The following ABCC1 variants were observed in gnomAD, a reference collection of about 807,000 sequenced individuals.
ABCC1 encodes multidrug resistance-associated protein 1.
Under a neutral mutation model 172.9 loss-of-function variants are expected in ABCC1, and 83 were observed. The ratio of observed to expected loss-of-function variants is 0.48; its 90% CI spans 0.40 to 0.58. The LOEUF (loss-of-function observed/expected upper bound fraction) is 0.58. Ranked by LOEUF, ABCC1 falls within the 20% of genes least tolerant of loss-of-function variation. The pLI, the probability that ABCC1 is intolerant of heterozygous loss-of-function variation, is 0.00. For missense variants in ABCC1, 1,817 were observed against 2,002.7 expected, an observed-to-expected ratio of 0.91 and a Z score of 1.77; for synonymous variants, 937 against 825.2, an observed-to-expected ratio of 1.14 and a Z score of -2.32.
chr16:16,119,807 C>T (rs1319815752), intron 23 of ABCC1, among the ~76,000 whole-genome samples: 9 of 152,032 alleles, frequency 5.9e-5, no homozygotes, highest in African/African-American at 7.3e-5. Context: ...CACTTGAGAG[C>T]GATTTGCATC....
intron 5 of ABCC1, among the ~76,000 whole-genome samples, chr16:16,030,322 G>C (rs2048519663): frequency 6.6e-6 from 1 of 152,108 alleles, no homozygotes; most frequent in Admixed American, 6.6e-5. Context: ...AGGAGTTCGA[G>C]ACCAGCCTGT....
intron 10 of ABCC1, among the ~76,000 whole-genome samples, chr16:16,048,664 C>T (rs1267009936): frequency 1.3e-5 from 2 of 152,164 alleles, no homozygotes; most frequent in Non-Finnish European, 2.9e-5. Context: ...AAAATTCTCT[C>T]AATTGCAAGG....
At chr16:16,055,125 G>A (rs2151911706) in intron 11 of ABCC1, among the ~76,000 whole-genome samples, 1 of 152,252 alleles carries the variant, frequency 6.6e-6, no homozygotes, top group East Asian at 1.9e-4. Flanking sequence ...AGATACTAAG[G>A]AGGCTGAGGT....
intron 1 of ABCC1, among the ~76,000 whole-genome samples, chr16:15,983,612 A>G (rs978683337): frequency 8.2e-5 from 12 of 147,052 alleles, no homozygotes; most frequent in African/African-American, 3.0e-4. Context: ...CTGGAGAGCA[A>G]TGGCATGATC....
At chr16:16,116,409 A>G (rs1463903976) in intron 23 of ABCC1, among the ~76,000 whole-genome samples, 1 of 152,164 alleles carries the variant, frequency 6.6e-6, no homozygotes, top group African/African-American at 2.4e-5. Context: ...ATTGAATCCT[A>G]CATATCCTGT....
chr16:16,004,238 G>C (rs1014795447), intron 1 of ABCC1, among the ~76,000 whole-genome samples: 1 of 151,054 alleles, frequency 6.6e-6, no homozygotes, highest in Non-Finnish European at 1.5e-5. Flanking sequence ...CAGTTGCATA[G>C]TCCTGGCAAG....
rs1243283887 is a variant in ABCC1 at position 16,005,984 on chromosome 16, ACT to A, written c.49-1829_49-1828del. On this transcript the variant is annotated intron_variant, in intron 1 of 30. Transcript: ENST00000399410. Reference sequence around the variant, plus strand: ...ATTCCAGTCTGGGTGACAAAGCAAGACTCTGTCAAGAAAAAAAAAAATAAAAA... The same window carrying A: ...ATTCCAGTCTGGGTGACAAAGCAAGACTGTCAAGAAAAAAAAAAATAAAAA... Among the ~76,000 whole-genome samples, 6 of 150,750 alleles carry A rather than the reference ACT, an allele frequency of 4.0e-5. No homozygotes were observed. In the Admixed American group the frequency reaches 4.0e-4, roughly 10 times the overall value.
At chr16:16,108,357 G>A (rs553734002) in intron 21 of ABCC1, among the ~76,000 whole-genome samples, 15 of 132,818 alleles carry the variant, frequency 1.1e-4, no homozygotes, top group Middle Eastern at 4.5e-3. Context: ...CGCAACCTCC[G>A]CCTCCCGGGT....
intron 1 of ABCC1, among the ~76,000 whole-genome samples, chr16:15,978,309 T>G (rs1285497950): frequency 6.6e-6 from 1 of 152,054 alleles, no homozygotes; most frequent in Non-Finnish European, 1.5e-5. Flanking sequence ...GAGGCTGCAG[T>G]GAGCTGTGAT....
intron 30 of ABCC1, among the ~76,000 whole-genome samples, chr16:16,139,313 T>A (rs990851697): frequency 6.6e-6 from 1 of 151,748 alleles, no homozygotes; most frequent in African/African-American, 2.4e-5. Flanking sequence ...TTTATTTTTT[T>A]TAAAAAATCA....
rs1286484721 is a variant in ABCC1, at chr16:16,134,628, T to G, written c.4125+120T>G. On this transcript the variant is annotated intron_variant, in intron 28 of 30. Coordinates refer to ENST00000399410, the MANE Select transcript of ABCC1 (RefSeq NM_004996.4). ...CATTTGGCCCTACTTCATCGTTCTT[T>G]TTTTTTTTTTTTTTTTTTTTTTTCC... is the stretch of plus-strand genomic sequence containing the variant. 365 of 36,876 alleles carry G rather than the reference T, an allele frequency of 9.9e-3. 6 individuals carry two copies. Among genetic ancestry groups the G allele is most frequent in the African/African-American group, 0.074 (328 of 4,410 alleles). 2.3% of individuals were successfully genotyped at this position (36,876 alleles called of 1,614,324 possible).
chr16:16,103,117 A>T (rs557387464), intron 20 of ABCC1, among the ~76,000 whole-genome samples: 1 of 152,180 alleles, frequency 6.6e-6, no homozygotes, highest in African/African-American at 2.4e-5. Flanking sequence ...TGGGAGGTTG[A>T]GGCAGGAGGA....
chr16:16,133,787 AAGG>A (rs2045803620), intron 27 of ABCC1, among the ~76,000 whole-genome samples: 1 of 152,160 alleles, frequency 6.6e-6, no homozygotes, highest in Admixed American at 6.6e-5. Context: ...AGGAGGGAAG[AAGG>A]AGCCCACTTC....
chr16:16,016,285 C>A (rs553945372), intron 4 of ABCC1, among the ~76,000 whole-genome samples: 2 of 150,976 alleles, frequency 1.3e-5, no homozygotes, highest in South Asian at 4.2e-4. Context: ...TCCCGAGTAG[C>A]TGGGATTACA....
chr16:16,044,308 C>G, intron 7 of ABCC1, 142 bp from the exon 8 acceptor site: 1 of 733,088 alleles, frequency 1.4e-6, no homozygotes, highest in Non-Finnish European at 2.3e-6. Context: ...TTTGTAACCA[C>G]TGTGCTGAGC....
At position 16,111,377 on chromosome 16, in the gene ABCC1, C is replaced by T; in HGVS notation, c.2874C>T (p.Val958=). ...GCCTTATCTCCTGTGATCTCCAGGT[C>T]AAGCTTTCCGTGTACTGGGACTACA... ...MEADKAQTGQ[V]KLSVYWDYMK... is the part of the protein sequence containing the mutation. The change falls in exon 22 of 31, where the codon GTC becomes GTT. Residue 958 remains valine, a splice_region_variant and synonymous_variant. Coordinates refer to ENST00000399410, the MANE Select transcript of ABCC1 (RefSeq NM_004996.4). 3 of 1,614,088 alleles carry T rather than the reference C, an allele frequency of 1.9e-6. No individual in the cohort carries two copies. Among genetic ancestry groups the T allele is most frequent in the Non-Finnish European group, 2.5e-6 (3 of 1,179,980 alleles).
chr16:15,971,358 C>T (rs1269481839), intron 1 of ABCC1, among the ~76,000 whole-genome samples: 1 of 152,150 alleles, frequency 6.6e-6, no homozygotes, highest in African/African-American at 2.4e-5. Flanking sequence ...GGCAAGAAGG[C>T]TGTGGGAATC....
intron 22 of ABCC1, among the ~76,000 whole-genome samples, chr16:16,111,926 C>T (rs1458550756): frequency 1.3e-5 from 2 of 152,168 alleles, no homozygotes; most frequent in African/African-American, 4.8e-5. Context: ...CATGAGGTCT[C>T]ATTTGCGGAC....
At chr16:16,046,966 G>C (rs543199183) in intron 9 of ABCC1, among the ~76,000 whole-genome samples, 2 of 128,560 alleles carry the variant, frequency 1.6e-5, no homozygotes, top group African/African-American at 7.4e-5. Context: ...AGACCAAGGT[G>C]GGGGAATCAC....
Sources: gnomAD v4.1 joint callset for allele counts (sites outside exome capture counted in the v4.1 genomes callset) on GRCh38, gnomAD v4.1.1 for gene constraint, MANE v1.5 for transcripts, NCBI Gene and HGNC (gene_info 2026-07-23, HGNC 2026-07-21) for gene names.